The following CNTNAP2 variants were observed in gnomAD, a reference collection of about 807,000 sequenced individuals.
CNTNAP2 encodes the protein contactin-associated protein-like 2.
CNTNAP2 carries 98 observed loss-of-function variants against 155.2 expected under a neutral mutation model. The ratio of observed to expected loss-of-function variants is 0.63; its 90% CI spans 0.54 to 0.75. CNTNAP2 has a LOEUF of 0.75. Ranked by LOEUF, CNTNAP2 falls within the 30% of genes least tolerant of loss-of-function variation. The probability of loss-of-function intolerance (pLI) is 0.00; values close to 1 mark genes in which losing one functional copy is unlikely to be tolerated. For synonymous variants in CNTNAP2, 651 were observed against 631.2 expected (o/e 1.03, Z -0.47); for missense variants, 1,727 against 1,688.1 (o/e 1.02, Z -0.40).
At chr7:146,799,197 T>C (rs973643088) in intron 2 of CNTNAP2, among the ~76,000 whole-genome samples, 1 of 152,184 alleles carries the variant, frequency 6.6e-6, no homozygotes, top group African/African-American at 2.4e-5. Context: ...TTTTCTTTTT[T>C]AAGTGAAATA....
At chr7:147,028,674 G>T (rs868296595) in intron 3 of CNTNAP2, among the ~76,000 whole-genome samples, 26 of 152,124 alleles carry the variant, frequency 1.7e-4, no homozygotes, top group Non-Finnish European at 2.9e-5. Context: ...ACACATTTGA[G>T]ATATTTCTAG....
chr7:148,339,974 AGT>A (rs10603520), intron 21 of CNTNAP2, among the ~76,000 whole-genome samples: 27,835 of 144,694 alleles, frequency 0.19, 2,998 homozygotes, highest in Non-Finnish European at 0.25. Flanking sequence ...TCCTTCGTGC[AGT>A]GTGTGTGTGT....
In CNTNAP2 at chr7:147,767,560, T is replaced by C. The variant is rs557683300; in HGVS notation, c.2098+128254T>C. 2.8e-4 allele frequency among the ~76,000 whole-genome samples: 42 copies of C among 152,252 alleles called. 1 individual carries two copies. Among genetic ancestry groups the C allele is most frequent in the Admixed American group, 5.9e-4 (9 of 15,276 alleles). On this transcript the variant is annotated intron_variant, in intron 13 of 23. Coordinates refer to ENST00000361727, the MANE Select transcript of CNTNAP2 (RefSeq NM_014141.6). ...TTTTTATTTTACTGCTTATTATTACTGCCACTAAATAATATTATTGTTTAT... is the reference window on the plus strand; with the variant it reads ...TTTTTATTTTACTGCTTATTATTACCGCCACTAAATAATATTATTGTTTAT...
chr7:146,181,701 C>T (rs1328084588), intron 1 of CNTNAP2, among the ~76,000 whole-genome samples: 1 of 152,128 alleles, frequency 6.6e-6, no homozygotes, highest in African/African-American at 2.4e-5. Flanking sequence ...CAACACAAGC[C>T]TGGCCTTGTT....
At chr7:147,524,585 G>A (rs896336013) in intron 11 of CNTNAP2, among the ~76,000 whole-genome samples, 1 of 152,124 alleles carries the variant, frequency 6.6e-6, no homozygotes, top group Non-Finnish European at 1.5e-5. Context: ...TCTAATTCAG[G>A]GACTCTGGAG....
chr7:147,995,598 G>C (rs933803680), intron 15 of CNTNAP2, among the ~76,000 whole-genome samples: 3 of 150,790 alleles, frequency 2.0e-5, no homozygotes, highest in Non-Finnish European at 2.9e-5. Flanking sequence ...TGCAACCTCA[G>C]CTCACTGCAA....
At chr7:147,218,890 A>T (rs1388319901) in intron 8 of CNTNAP2, among the ~76,000 whole-genome samples, 1 of 152,206 alleles carries the variant, frequency 6.6e-6, no homozygotes, top group Non-Finnish European at 1.5e-5. Context: ...TTTGCCTCAC[A>T]TACTTTGCTG....
chr7:147,030,622 A>C (rs1000732112), intron 3 of CNTNAP2, among the ~76,000 whole-genome samples: 1 of 152,078 alleles, frequency 6.6e-6, no homozygotes, highest in African/African-American at 2.4e-5. Flanking sequence ...CTTTTATATC[A>C]ATTTGTTCGC....
At chr7:147,894,415 TGTTACCAGAGA>T (rs1799742942) in intron 13 of CNTNAP2, among the ~76,000 whole-genome samples, 2 of 152,026 alleles carry the variant, frequency 1.3e-5, no homozygotes, top group Non-Finnish European at 2.9e-5. Context: ...AATAACCAAA[TGTTACCAGAGA>T]GCAGAGCCTG....
chr7:148,103,604 A>G (rs140307092), intron 15 of CNTNAP2, among the ~76,000 whole-genome samples: 31 of 151,756 alleles, frequency 2.0e-4, no homozygotes, highest in Non-Finnish European at 4.0e-4. Flanking sequence ...GATGATTACG[A>G]GCAAAGCACA....
At chr7:147,641,935 G>A (rs1584874750) in intron 13 of CNTNAP2, among the ~76,000 whole-genome samples, 2 of 152,194 alleles carry the variant, frequency 1.3e-5, no homozygotes, top group South Asian at 2.1e-4. Context: ...TGATATTCCT[G>A]CTCTAGAGAC....
chr7:146,697,335 T>G (rs569671746), intron 1 of CNTNAP2, among the ~76,000 whole-genome samples: 1 of 152,210 alleles, frequency 6.6e-6, no homozygotes, highest in East Asian at 1.9e-4. Flanking sequence ...TCTCCTGGGC[T>G]CAAACAATTC....
chr7:146,724,727 T>C (rs1585060436), intron 1 of CNTNAP2, among the ~76,000 whole-genome samples: 1 of 152,030 alleles, frequency 6.6e-6, no homozygotes. Context: ...CAGGCCACCA[T>C]GCCCAGCTAA....
chr7:147,131,040 A>G (rs1040267786), intron 7 of CNTNAP2, among the ~76,000 whole-genome samples: 1 of 147,884 alleles, frequency 6.8e-6, no homozygotes, highest in Non-Finnish European at 1.5e-5. Context: ...ATATATATAT[A>G]CACATATATA....
At chr7:146,343,061 G>C (rs1447030830) in intron 1 of CNTNAP2, among the ~76,000 whole-genome samples, 1 of 151,750 alleles carries the variant, frequency 6.6e-6, no homozygotes, top group Non-Finnish European at 1.5e-5. Flanking sequence ...AAACGTTACT[G>C]TGTTTGGTAA....
At chr7:148,258,802 G>C (rs1419930774) in intron 20 of CNTNAP2, among the ~76,000 whole-genome samples, 1 of 151,868 alleles carries the variant, frequency 6.6e-6, no homozygotes, top group African/African-American at 2.4e-5. Flanking sequence ...AGGTTGAGGT[G>C]GGAGGATCAC....
At chr7:146,257,890 T>G (rs1799863287) in intron 1 of CNTNAP2, among the ~76,000 whole-genome samples, 1 of 149,682 alleles carries the variant, frequency 6.7e-6, no homozygotes, top group Non-Finnish European at 1.5e-5. Flanking sequence ...ATCCAGCAAT[T>G]TTTTTTTTTT....
chr7:146,802,886 G>T (rs1489693886), intron 2 of CNTNAP2, among the ~76,000 whole-genome samples: 5 of 152,088 alleles, frequency 3.3e-5, no homozygotes, highest in African/African-American at 9.7e-5. Context: ...GTGCTCTCTG[G>T]AACTTGGAAG....
intron 15 of CNTNAP2, among the ~76,000 whole-genome samples, chr7:148,054,611 C>T (rs1016077768): frequency 3.3e-5 from 5 of 152,000 alleles, no homozygotes; most frequent in Non-Finnish European, 5.9e-5. Context: ...ACTACAACTT[C>T]GCCAGAGTGC....
Sources: allele counts gnomAD v4.1 joint callset (sites outside exome capture counted in the v4.1 genomes callset), GRCh38; gene constraint gnomAD v4.1.1; transcripts MANE v1.5; gene names NCBI Gene and HGNC (gene_info 2026-07-23, HGNC 2026-07-21).